GSK3B: variants seen among roughly 807,000 people sequenced by gnomAD.
GSK3B encodes glycogen synthase kinase 3 beta.
Under a neutral mutation model 56.4 loss-of-function variants are expected in GSK3B, and 15 were observed. The ratio of observed to expected loss-of-function variants is 0.27; its 90% CI spans 0.18 to 0.41. The LOEUF is 0.41. Ranked by LOEUF, GSK3B falls within the 10% of genes least tolerant of loss-of-function variation. The pLI is 1.00. For missense variants in GSK3B, 300 were observed against 513.4 expected (o/e 0.58, Z 4.02); for synonymous variants, 181 against 188.9 (o/e 0.96, Z 0.34).
Position 119,922,521 on chromosome 3 carries a change from T to TATC in GSK3B, c.477+851_477+852insGAT, listed in dbSNP as rs1267607099. ...CTAACAAAAGTGCTTGAAGAACTTCTATTATTATTATTATTATTATTAGCT... is the reference window on the plus strand; with the variant it reads ...CTAACAAAAGTGCTTGAAGAACTTCTATCATTATTATTATTATTATTATTAGCT... On this transcript the variant is annotated intron_variant, in intron 4 of 10. Transcript: ENST00000264235. 2.1e-5 allele frequency among the ~76,000 whole-genome samples: 3 copies of TATC among 140,422 alleles called. No homozygotes were observed. In the East Asian group the frequency reaches 6.3e-4, roughly 30 times the overall value. 92.1% of individuals were successfully genotyped at this position (140,422 alleles called of 152,430 possible).
chr3:119,857,049 A>T (rs1472523938), intron 9 of GSK3B, among the ~76,000 whole-genome samples: 1 of 152,184 alleles, frequency 6.6e-6, no homozygotes, highest in Admixed American at 6.5e-5. Flanking sequence ...AAAAAAAACC[A>T]CATATATACC....
At chr3:119,938,061 C>A (rs2057013060) in intron 3 of GSK3B, among the ~76,000 whole-genome samples, 1 of 151,862 alleles carries the variant, frequency 6.6e-6, no homozygotes, top group Non-Finnish European at 1.5e-5. Context: ...GATTATCAAA[C>A]TGACTCAAAA....
chr3:120,030,207 G>A (rs1046506978), intron 1 of GSK3B, among the ~76,000 whole-genome samples: 6 of 152,036 alleles, frequency 3.9e-5, no homozygotes, highest in Non-Finnish European at 7.4e-5. Flanking sequence ...TAAACGTTGG[G>A]GTTCTTCTAG....
chr3:119,906,838 A>T (rs1028221120), intron 6 of GSK3B, among the ~76,000 whole-genome samples: 7 of 152,212 alleles, frequency 4.6e-5, no homozygotes, highest in African/African-American at 1.7e-4. Context: ...ACAACAAAAA[A>T]TTTTAAAGGT....
intron 7 of GSK3B, among the ~76,000 whole-genome samples, chr3:119,881,288 A>C (rs573059724): frequency 6.6e-6 from 1 of 152,300 alleles, no homozygotes; most frequent in Admixed American, 6.5e-5. Flanking sequence ...AAAATAAATA[A>C]AAAACATAAG....
At chr3:119,846,485 A>C (rs1158904729) in intron 9 of GSK3B, among the ~76,000 whole-genome samples, 1 of 152,260 alleles carries the variant, frequency 6.6e-6, no homozygotes, top group Non-Finnish European at 1.5e-5. Flanking sequence ...GAAAGATATG[A>C]ACAGACATTT....
Position 120,026,326 on chromosome 3 carries a change from G to A in GSK3B, c.89-24087C>T, listed in dbSNP as rs1047060074. ...TAGAGGCAATGAGAAGGTATCTGCTGGAGCAAGAGCAGCGAAACAAAGGAT... is the reference window on the plus strand; with the variant it reads ...TAGAGGCAATGAGAAGGTATCTGCTAGAGCAAGAGCAGCGAAACAAAGGAT... On this transcript the variant is annotated intron_variant, in intron 1 of 10. Transcript: ENST00000264235. 1.2e-4 allele frequency among the ~76,000 whole-genome samples: 19 copies of A among 152,222 alleles called. No individual in the cohort carries two copies. In the South Asian group the frequency reaches 2.5e-3, roughly 20 times the overall value.
At chr3:119,885,199 G>T (rs1009076357) in intron 7 of GSK3B, among the ~76,000 whole-genome samples, 2 of 151,234 alleles carry the variant, frequency 1.3e-5, no homozygotes, top group African/African-American at 4.9e-5. Context: ...CACCAATAAT[G>T]TTCAAGCTGA....
intron 1 of GSK3B, among the ~76,000 whole-genome samples, chr3:120,019,998 C>T (rs2057858794): frequency 6.6e-6 from 1 of 152,164 alleles, no homozygotes; most frequent in Non-Finnish European, 1.5e-5. Flanking sequence ...TTTCTAAGTT[C>T]CAAAATAGTT....
At chr3:119,841,793 G>C (rs1205638438) in intron 10 of GSK3B, among the ~76,000 whole-genome samples, 1 of 152,150 alleles carries the variant, frequency 6.6e-6, no homozygotes, top group Non-Finnish European at 1.5e-5. Flanking sequence ...GATAAACTTG[G>C]AACAAGAAAA....
intron 3 of GSK3B, among the ~76,000 whole-genome samples, chr3:119,938,719 A>G (rs1255429208): frequency 6.6e-6 from 1 of 152,190 alleles, no homozygotes; most frequent in Non-Finnish European, 1.5e-5. Flanking sequence ...AGTAAAATTA[A>G]GAAAATAATT....
intron 6 of GSK3B, among the ~76,000 whole-genome samples, chr3:119,908,999 G>C (rs576574365): frequency 6.6e-6 from 1 of 152,264 alleles, no homozygotes; most frequent in South Asian, 2.1e-4. Flanking sequence ...ACTGTCACAA[G>C]GTCTGTTCTA....
intron 1 of GSK3B, among the ~76,000 whole-genome samples, chr3:120,010,123 C>T (rs1290528824): frequency 6.6e-6 from 1 of 152,008 alleles, no homozygotes; most frequent in African/African-American, 2.4e-5. Context: ...CAGCATAAGC[C>T]AATATAAAAA....
At chr3:119,882,673 G>A (rs184300056) in intron 7 of GSK3B, among the ~76,000 whole-genome samples, 23 of 152,130 alleles carry the variant, frequency 1.5e-4, no homozygotes, top group Admixed American at 7.2e-4. Context: ...GAAAATGCAC[G>A]TAGAAAATCT....
At chr3:120,078,467 C>T (rs1363275080) in intron 1 of GSK3B, among the ~76,000 whole-genome samples, 1 of 152,100 alleles carries the variant, frequency 6.6e-6, no homozygotes, top group Non-Finnish European at 1.5e-5. Context: ...ACGACAAACA[C>T]ACCCTTTGTT....
chr3:119,936,814 C>G (rs1288491618), intron 3 of GSK3B, among the ~76,000 whole-genome samples: 1 of 151,918 alleles, frequency 6.6e-6, no homozygotes, highest in East Asian at 1.9e-4. Context: ...ATATACCACT[C>G]TCAATAATGA....
chr3:120,023,194 G>A (rs1459404735), intron 1 of GSK3B, among the ~76,000 whole-genome samples: 1 of 149,066 alleles, frequency 6.7e-6, no homozygotes, highest in African/African-American at 2.5e-5. Flanking sequence ...CAGAAGCATT[G>A]AACACATACT....
chr3:120,071,788 G>A (rs552919500), intron 1 of GSK3B, among the ~76,000 whole-genome samples: 242 of 152,192 alleles, frequency 1.6e-3, no homozygotes, highest in African/African-American at 4.7e-3. Context: ...AACCATCCAC[G>A]CTCGTCCATG....
chr3:119,893,690 G>T (rs1012328826), intron 7 of GSK3B, among the ~76,000 whole-genome samples: 12 of 152,056 alleles, frequency 7.9e-5, no homozygotes, highest in Non-Finnish European at 2.9e-5. Flanking sequence ...TTTCTTGCCT[G>T]TCATTTAACT....
Sources: allele counts gnomAD v4.1 joint callset (sites outside exome capture counted in the v4.1 genomes callset), GRCh38; gene constraint gnomAD v4.1.1; transcripts MANE v1.5; gene names NCBI Gene and HGNC (gene_info 2026-07-23, HGNC 2026-07-21).